Variants in ZNF592 observed in about 807,000 individuals in gnomAD.
ZNF592 encodes the protein zinc finger protein 592, also known as spinocerebellar ataxia, autosomal recessive 5.
In ZNF592, 11 loss-of-function variants were observed where a neutral mutation model predicts 80.3. That is an observed-to-expected ratio of 0.14 (90% CI 0.09 to 0.23). The LOEUF is 0.23. Ranked by LOEUF, ZNF592 falls within the 10% of genes least tolerant of loss-of-function variation. The probability of loss-of-function intolerance (pLI) is 1.00; values close to 1 mark genes in which losing one functional copy is unlikely to be tolerated. For missense variants in ZNF592, 1,420 were observed against 1,633.9 expected, an observed-to-expected ratio of 0.87 and a Z score of 2.26; for synonymous variants, 646 against 640.3, an observed-to-expected ratio of 1.01 and a Z score of -0.13.
intron 1 of ZNF592, among the ~76,000 whole-genome samples, chr15:84,764,370 A>T (rs967800560): frequency 1.3e-5 from 2 of 152,194 alleles, no homozygotes; most frequent in African/African-American, 4.8e-5. Context: ...TTTGATCCCT[A>T]TAATAGCCCA....
In ZNF592 at chr15:84,784,606, T is replaced by C; in HGVS notation, c.1931T>C (p.Leu644Pro). The change falls in exon 4 of 11, where the codon CTC becomes CCC. Residue 644 changes from leucine (L) to proline (P), a missense_variant. By Grantham distance (98) the Leu-to-Pro change is moderately conservative. Around this residue, in one of 7 missense-constraint regions of ZNF592, gnomAD observed 524 missense variants for 628.3 expected, o/e 0.83. Coordinates refer to ENST00000560079, the MANE Select transcript of ZNF592 (RefSeq NM_014630.3). The surrounding 1 kb of genome is among the most constrained non-coding windows in gnomAD (Gnocchi z 5.8). Reference sequence around the variant, plus strand: ...GCCCGTGACCACAAGAGCAAGGGGCTCGTCATGCAGTGTTCCCAGCTGCTG... The same window carrying C: ...GCCCGTGACCACAAGAGCAAGGGGCCCGTCATGCAGTGTTCCCAGCTGCTG... ...RHARDHKSKG[L>P]VMQCSQLLVK... 1 of 1,614,114 alleles carries C rather than the reference T, an allele frequency of 6.2e-7. No individual in the cohort carries two copies. Among genetic ancestry groups the C allele is most frequent in the Non-Finnish European group, 8.5e-7 (1 of 1,180,026 alleles).
intron 5 of ZNF592, among the ~76,000 whole-genome samples, chr15:84,794,889 C>G (rs2141996738): frequency 6.6e-6 from 1 of 152,302 alleles, no homozygotes; most frequent in Admixed American, 6.5e-5. Context: ...CTTCTGAATA[C>G]AAGTTACTTG....
chr15:84,748,982 C>T (rs1377875032), intron 1 of ZNF592, among the ~76,000 whole-genome samples: 2 of 152,152 alleles, frequency 1.3e-5, no homozygotes, highest in Non-Finnish European at 2.9e-5. Flanking sequence ...CGTGCGGCCG[C>T]CCTCGGCGAT....
At chr15:84,777,516 C>T (rs560079068) in intron 2 of ZNF592, among the ~76,000 whole-genome samples, 7 of 151,196 alleles carry the variant, frequency 4.6e-5, no homozygotes, top group Admixed American at 4.6e-4. Context: ...GGCATGGGGT[C>T]TCACTATGTT....
At chr15:84,779,830 C>T (rs1233935244) in intron 3 of ZNF592, among the ~76,000 whole-genome samples, 3 of 152,134 alleles carry the variant, frequency 2.0e-5, no homozygotes, top group Non-Finnish European at 2.9e-5. Context: ...CTTCAAGCCT[C>T]TGCAACTTCA....
Position 84,798,430 on chromosome 15 carries a change from C to T in ZNF592, c.2692C>T (p.Pro898Ser). 1 of 1,614,126 alleles carries T rather than the reference C, an allele frequency of 6.2e-7. No homozygotes were observed. Among genetic ancestry groups the T allele is most frequent in the Non-Finnish European group, 8.5e-7 (1 of 1,179,994 alleles). ...GGGCGTCTTCAAGTGCCCTGAGTGC[C>T]CACTCTTGTTCGTGCAGAAGCCGGA... ...QVGVFKCPEC[P>S]LLFVQKPELM... The change falls in exon 7 of 11, where the codon CCA (proline) becomes TCA (serine). Residue 898 changes from proline to serine, a missense_variant. Physicochemically the swap from Pro to Ser is moderately conservative, Grantham distance 74. Transcript: ENST00000560079. This position sits in a 1 kb window ranked among gnomAD's most constrained non-coding sequence, Gnocchi z 4.5.
chr15:84,775,777 G>A (rs890253427), intron 2 of ZNF592, among the ~76,000 whole-genome samples: 1 of 152,090 alleles, frequency 6.6e-6, no homozygotes, highest in African/African-American at 2.4e-5. Flanking sequence ...AGGGTGATTC[G>A]GCATGCTGAG....
chr15:84,764,281 G>A (rs1899434599), intron 1 of ZNF592, among the ~76,000 whole-genome samples: 1 of 152,238 alleles, frequency 6.6e-6, no homozygotes, highest in African/African-American at 2.4e-5. Flanking sequence ...GGCCACTGAG[G>A]TTGGTGGCAT....
Position 84,784,479 on chromosome 15 carries a change from C to T in ZNF592, c.1804C>T (p.Leu602=). Reference sequence around the variant, plus strand: ...AGACGCATTTGCCTTAGAGAAGAGCCTGAGCCAGCACTATGGCCGGCGGAG... The same window carrying T: ...AGACGCATTTGCCTTAGAGAAGAGCTTGAGCCAGCACTATGGCCGGCGGAG... ...CGDAFALEKS[L]SQHYGRRSVH... The change falls in exon 4 of 11, where the codon CTG becomes TTG. Residue 602 remains leucine, a synonymous_variant. Coordinates refer to ENST00000560079, the MANE Select transcript of ZNF592 (RefSeq NM_014630.3). This position sits in a 1 kb window ranked among gnomAD's most constrained non-coding sequence, Gnocchi z 5.8. 2 of 1,614,202 alleles carry T rather than the reference C, an allele frequency of 1.2e-6. No individual in the cohort carries two copies. The highest frequency in any genetic ancestry group is 1.7e-6 in the Non-Finnish European group (2 of 1,180,038).
chr15:84,797,794 C>T (rs1378156796), intron 5 of ZNF592, 75 bp from the exon 6 acceptor site: 5 of 1,547,916 alleles, frequency 3.2e-6, no homozygotes, highest in Middle Eastern at 1.7e-4. Flanking sequence ...CTCCATCCCT[C>T]CTCTTGCAGC....
At chr15:84,775,830 T>G (rs1366765990) in intron 2 of ZNF592, among the ~76,000 whole-genome samples, 1 of 152,258 alleles carries the variant, frequency 6.6e-6, no homozygotes, top group South Asian at 2.1e-4. Context: ...ATCTAGTTGA[T>G]ATGTTTACTT....
intron 1 of ZNF592, among the ~76,000 whole-genome samples, chr15:84,751,258 A>G (rs1899005415): frequency 6.6e-6 from 1 of 152,254 alleles, no homozygotes; most frequent in African/African-American, 2.4e-5. Flanking sequence ...ACCCTAAGAA[A>G]AAGAGGTTAT....
rs370700921 is a variant in ZNF592 at position 84,802,374 on chromosome 15, C to T, written c.3785C>T (p.Thr1262Ile). 6.2e-7 allele frequency: 1 copy of T among 1,613,712 alleles called. No individual in the cohort carries two copies. Among genetic ancestry groups the T allele is most frequent in the East Asian group, 2.2e-5 (1 of 44,878 alleles). The change falls in exon 11 of 11, where the codon ACA becomes ATA. Residue 1262 changes from threonine (T) to isoleucine (I), a missense_variant. By Grantham distance (89) the Thr-to-Ile change is moderately conservative. Transcript: ENST00000560079. ...GCCTCTCAGGACCAGGACAGCCACA[C>T]ACTGTCCCCTCAGGTGTGACCGGAG... ...PQASQDQDSH[T>I]LSPQV
At chr15:84,758,181 G>A (rs1369047546) in intron 1 of ZNF592, among the ~76,000 whole-genome samples, 2 of 147,044 alleles carry the variant, frequency 1.4e-5, no homozygotes, top group African/African-American at 2.5e-5. Flanking sequence ...CACCATCTTG[G>A]CCAGGCTGGT....
At chr15:84,785,509 AC>A (rs1398812050) in intron 4 of ZNF592, among the ~76,000 whole-genome samples, 1 of 152,078 alleles carries the variant, frequency 6.6e-6, no homozygotes, top group Non-Finnish European at 1.5e-5. Flanking sequence ...ACAGGGTTTC[AC>A]CATGTTGCCC....
At position 84,802,849 on chromosome 15, in the gene ZNF592, G is replaced by A. The variant is rs546574909; in HGVS notation, c.*456G>A. On this transcript the variant is annotated 3_prime_UTR_variant, in exon 11 of 11. Transcript: ENST00000560079. ...ATCCTGAGAAGGAGGGAAATGAGGG[G>A]TGCTGACACAGTCCCTCTGGGAGAG... 1.0e-5 allele frequency: 2 copies of A among 199,120 alleles called. No homozygotes were observed. The highest frequency in any genetic ancestry group is 4.6e-5 in the African/African-American group (2 of 43,252). The allele number at this position is 199,120 out of a possible 1,614,324, so 12.3% of individuals were successfully genotyped here.
At chr15:84,785,312 C>CTT (rs749939763) in intron 4 of ZNF592, among the ~76,000 whole-genome samples, 4 of 144,688 alleles carry the variant, frequency 2.8e-5, no homozygotes, top group Non-Finnish European at 3.0e-5. Context: ...AGAACTTTGT[C>CTT]TTTTTTTTTT....
At position 84,805,114 on chromosome 15, in the gene ZNF592, T is replaced by G. The variant is rs1382573734; in HGVS notation, c.*2721T>G. ...GTGCCCTGCCAAGTGCCAGGTTCTC[T>G]TTGGAGTCCATCTGTGCCTTGTCAC... On this transcript the variant is annotated 3_prime_UTR_variant, in exon 11 of 11. Transcript: ENST00000560079. 1.3e-5 allele frequency: 2 copies of G among 152,176 alleles called. No homozygotes were observed. The highest frequency in any genetic ancestry group is 4.8e-5 in the African/African-American group (2 of 41,428). 9.4% of individuals were successfully genotyped at this position (152,176 alleles called of 1,614,324 possible). A position where few individuals can be genotyped will look rare whatever the true frequency, so the allele number is the denominator to read the frequency against.
chr15:84,780,419 C>T (rs746717641), intron 3 of ZNF592, among the ~76,000 whole-genome samples: 1 of 152,200 alleles, frequency 6.6e-6, no homozygotes, highest in African/African-American at 2.4e-5. Context: ...TGAGTGCCCA[C>T]TGTTTTCAGT....
Sources: gnomAD v4.1 joint callset for allele counts (sites outside exome capture counted in the v4.1 genomes callset) on GRCh38, gnomAD v4.1.1 for gene constraint, gnomAD v4.1.1 regional missense constraint, Gnocchi (gnomAD v3.1) non-coding constraint, MANE v1.5 for transcripts, NCBI Gene and HGNC (gene_info 2026-07-23, HGNC 2026-07-21) for gene names.